The following ZMYND11 variants were observed in gnomAD, a reference collection of about 807,000 sequenced individuals.
ZMYND11 encodes zinc finger MYND-type containing 11.
ZMYND11 carries 9 observed loss-of-function variants against 84.9 expected under a neutral mutation model. That is an observed-to-expected ratio of 0.11 (90% CI 0.06 to 0.18). The LOEUF is 0.18. Ranked by LOEUF, ZMYND11 falls within the 10% of genes least tolerant of loss-of-function variation. The pLI is 1.00. For missense variants in ZMYND11, 409 were observed against 761.0 expected, an observed-to-expected ratio of 0.54 and a Z score of 5.44; for synonymous variants, 250 against 244.1, an observed-to-expected ratio of 1.02 and a Z score of -0.23.
Position 221,216 on chromosome 10 carries a change from G to T in ZMYND11, c.298G>T (p.Asp100Tyr). Residue 100 changes from aspartate to tyrosine, a missense_variant, in exon 4 of 15, where the codon GAC becomes TAC. Asp to Tyr is a radical substitution (Grantham distance 160). Around this residue, in one of 7 missense-constraint regions of ZMYND11, gnomAD observed 73 missense variants for 185.8 expected, o/e 0.39. Coordinates refer to ENST00000381604, the MANE Select transcript of ZMYND11 (RefSeq NM_001370100.5). ...DEIDWETENH[D>Y]WYCFECHLPG... ...GTAGGACTGGGAAACAGAAAATCAT[G>T]ACTGGTATTGTTTTGAATGCCATTT... 6.2e-7 allele frequency: 1 copy of T among 1,613,644 alleles called. No individual in the cohort carries two copies. Among genetic ancestry groups the T allele is most frequent in the South Asian group, 1.1e-5 (1 of 91,000 alleles).
chr10:217,207 C>G (rs1383043085), intron 3 of ZMYND11, among the ~76,000 whole-genome samples: 4 of 151,984 alleles, frequency 2.6e-5, no homozygotes, highest in Non-Finnish European at 5.9e-5. Flanking sequence ...GTCTCTAAGT[C>G]AGAGTTAATA....
At chr10:179,594 A>T (rs1040317847) in intron 1 of ZMYND11, among the ~76,000 whole-genome samples, 1 of 152,188 alleles carries the variant, frequency 6.6e-6, no homozygotes, top group Admixed American at 6.5e-5. Flanking sequence ...TAATAAACTA[A>T]AGTGCCAATT....
At chr10:140,511 T>C (rs1323953110) in intron 1 of ZMYND11, among the ~76,000 whole-genome samples, 1 of 152,234 alleles carries the variant, frequency 6.6e-6, no homozygotes, top group Non-Finnish European at 1.5e-5. Flanking sequence ...GTTTGTGTTA[T>C]CCATTATTAG....
At chr10:215,874 G>A (rs902794210) in intron 3 of ZMYND11, among the ~76,000 whole-genome samples, 2 of 152,094 alleles carry the variant, frequency 1.3e-5, no homozygotes, top group Admixed American at 6.6e-5. Flanking sequence ...AAATGAAAAG[G>A]TAGAATTCTG....
chr10:131,650 G>A (rs1403214657), upstream of ZMYND11, among the ~76,000 whole-genome samples: 4 of 151,936 alleles, frequency 2.6e-5, no homozygotes, highest in African/African-American at 7.3e-5. Flanking sequence ...TCAGCTTCTC[G>A]AGTAGCTGCG....
chr10:169,200 T>G (rs1444911910), intron 1 of ZMYND11, among the ~76,000 whole-genome samples: 6 of 152,082 alleles, frequency 3.9e-5, no homozygotes, highest in Non-Finnish European at 7.4e-5. Flanking sequence ...CCCCCTCCAG[T>G]CATCCTGTCC....
intron 1 of ZMYND11, among the ~76,000 whole-genome samples, chr10:142,792 A>T (rs999982540): frequency 6.6e-6 from 1 of 152,222 alleles, no homozygotes; most frequent in Admixed American, 6.5e-5. Flanking sequence ...ACTCTGGGCA[A>T]TCAAAACATT....
chr10:208,056 T>C (rs1223577936), intron 2 of ZMYND11, among the ~76,000 whole-genome samples: 3 of 152,112 alleles, frequency 2.0e-5, no homozygotes, highest in African/African-American at 4.8e-5. Flanking sequence ...AAAGGATTCC[T>C]TATTTAATAA....
At position 195,348 on chromosome 10, in the gene ZMYND11, T is replaced by C. The variant is rs527688980; in HGVS notation, c.117-14541T>C. 2.6e-5 allele frequency among the ~76,000 whole-genome samples: 4 copies of C among 152,302 alleles called. No individual in the cohort carries two copies. In the South Asian group the frequency reaches 6.2e-4, roughly 24 times the overall value. The stretch of plus-strand genomic sequence containing the variant: ...ATAATGAGCAAAGACTTGATAAATA[T>C]GTGTTTAAAATTAAAACATTAACTG... On this transcript the variant is annotated intron_variant, in intron 2 of 14. Coordinates refer to ENST00000381604, the MANE Select transcript of ZMYND11 (RefSeq NM_001370100.5).
intron 4 of ZMYND11, among the ~76,000 whole-genome samples, chr10:230,081 A>C (rs1167353594): frequency 6.6e-6 from 1 of 152,244 alleles, no homozygotes; most frequent in Non-Finnish European, 1.5e-5. Flanking sequence ...GGAGCTGTTT[A>C]ATCCCTAAAA....
chr10:173,125 T>C (rs1019323097), intron 1 of ZMYND11, among the ~76,000 whole-genome samples: 4 of 151,638 alleles, frequency 2.6e-5, no homozygotes, highest in Non-Finnish European at 5.9e-5. Context: ...AAATGTAAAA[T>C]ACAAAACTGT....
chr10:151,719 A>G (rs1403152640), intron 1 of ZMYND11, among the ~76,000 whole-genome samples: 2 of 152,164 alleles, frequency 1.3e-5, no homozygotes, highest in South Asian at 2.1e-4. Context: ...AGAGAATGCC[A>G]CAAAGATACT....
At chr10:182,077 T>G (rs920824077) in intron 2 of ZMYND11, among the ~76,000 whole-genome samples, 2 of 152,246 alleles carry the variant, frequency 1.3e-5, no homozygotes, top group Non-Finnish European at 2.9e-5. Context: ...GTTTTTCAGA[T>G]GACCTTTGTT....
intron 4 of ZMYND11, among the ~76,000 whole-genome samples, chr10:223,872 A>G (rs1156259902): frequency 6.6e-6 from 1 of 152,168 alleles, no homozygotes; most frequent in African/African-American, 2.4e-5. Context: ...TTAAGTAATC[A>G]TGGACTAAGA....
intron 1 of ZMYND11, among the ~76,000 whole-genome samples, chr10:171,650 G>A (rs2131640013): frequency 6.6e-6 from 1 of 152,222 alleles, no homozygotes; most frequent in South Asian, 2.1e-4. Context: ...CTTACCAACA[G>A]ATACAGAAGG....
intron 14 of ZMYND11, among the ~76,000 whole-genome samples, chr10:251,401 T>C (rs1372233069): frequency 2.0e-5 from 3 of 152,116 alleles, no homozygotes; most frequent in Admixed American, 6.5e-5. Flanking sequence ...CTTGCTGACA[T>C]AATGGATAAT....
chr10:197,799 G>T (rs1301208073), intron 2 of ZMYND11: 7 of 369,456 alleles, frequency 1.9e-5, no homozygotes, highest in Non-Finnish European at 3.4e-5. Flanking sequence ...TAATTGAAAT[G>T]TTATTGTTAT....
chr10:231,087 G>A (rs186886526), intron 4 of ZMYND11, among the ~76,000 whole-genome samples: 21 of 152,188 alleles, frequency 1.4e-4, no homozygotes, highest in African/African-American at 4.8e-4. Flanking sequence ...AAGTTTTATC[G>A]GAACACAGCC....
At chr10:144,021 A>AAC (rs1838108899) in intron 1 of ZMYND11, among the ~76,000 whole-genome samples, 1 of 151,370 alleles carries the variant, frequency 6.6e-6, no homozygotes, top group South Asian at 2.1e-4. Flanking sequence ...AAAAAAAAAA[A>AAC]CTGCCATTTG....
Sources: allele counts gnomAD v4.1 joint callset (sites outside exome capture counted in the v4.1 genomes callset), GRCh38; gene constraint gnomAD v4.1.1; regional missense constraint gnomAD v4.1.1; transcripts MANE v1.5; gene names NCBI Gene and HGNC (gene_info 2026-07-23, HGNC 2026-07-21).